Variants in CNOT2 observed in about 807,000 individuals in gnomAD.
CNOT2 encodes CC chemokine receptor 4-negative regulator of transcription 2.
A neutral mutation model predicts 72.1 loss-of-function variants in CNOT2; 7 were observed. That is an observed-to-expected ratio of 0.10 (90% CI 0.06 to 0.18). CNOT2 has a LOEUF of 0.18. Among genes scored for constraint, CNOT2 ranks in the 10% least tolerant of loss-of-function variants. CNOT2 has a pLI of 1.00. For missense variants in CNOT2, 345 were observed against 660.3 expected (o/e 0.52, Z 5.23); for synonymous variants, 196 against 225.6 (o/e 0.87, Z 1.17).
intron 1 of CNOT2, among the ~76,000 whole-genome samples, chr12:70,273,051 TATC>T (rs1489338552): frequency 6.6e-6 from 1 of 152,190 alleles, no homozygotes; most frequent in Non-Finnish European, 1.5e-5. Flanking sequence ...CTCCATCTTG[TATC>T]ATCAGCATTT....
chr12:70,351,264 G>A (rs1033470937), intron 15 of CNOT2, among the ~76,000 whole-genome samples: 13 of 152,186 alleles, frequency 8.5e-5, no homozygotes, highest in Admixed American at 2.6e-4. Context: ...TTAGGGGCTT[G>A]GCACTATTCC....
At chr12:70,340,647 C>G (rs1342764980) in intron 11 of CNOT2, among the ~76,000 whole-genome samples, 13 of 151,962 alleles carry the variant, frequency 8.6e-5, no homozygotes, top group Non-Finnish European at 1.5e-5. Context: ...CAGGCTTTTC[C>G]CAAAATATAT....
chr12:70,310,324 A>T (rs1174443060), intron 2 of CNOT2, among the ~76,000 whole-genome samples: 1 of 152,108 alleles, frequency 6.6e-6, no homozygotes, highest in Non-Finnish European at 1.5e-5. Context: ...TATATCATTG[A>T]AATAATAACT....
intron 1 of CNOT2, among the ~76,000 whole-genome samples, chr12:70,265,929 C>G (rs531620649): frequency 6.6e-6 from 1 of 151,456 alleles, no homozygotes; most frequent in South Asian, 2.1e-4. Context: ...GAGATACTTT[C>G]CAGTTTCTCA....
At position 70,304,730 on chromosome 12, in the gene CNOT2, G is replaced by A. The variant is rs578225552; in HGVS notation, c.49-6165G>A. Among the ~76,000 whole-genome samples the A allele has an allele frequency of 3.3e-5, 5 of 152,352 alleles. 1 individual carries two copies. The South Asian group carries it at 1.0e-3, about 32-fold the overall frequency. ...AGACAGGGACATTTAAGTCTGCAGA[G>A]GTTACTGCTGCCTTTTGTTTGTCTG... On this transcript the variant is annotated intron_variant, in intron 2 of 15. Transcript: ENST00000229195.
At chr12:70,266,096 G>A (rs1959025573) in intron 1 of CNOT2, among the ~76,000 whole-genome samples, 1 of 150,326 alleles carries the variant, frequency 6.7e-6, no homozygotes, top group Admixed American at 6.6e-5. Flanking sequence ...TGTCGTTGAT[G>A]TTGTATTATT....
At chr12:70,350,801 A>C (rs1882769284) in intron 15 of CNOT2, among the ~76,000 whole-genome samples, 1 of 152,204 alleles carries the variant, frequency 6.6e-6, no homozygotes, top group Non-Finnish European at 1.5e-5. Flanking sequence ...TTCTGTTCCC[A>C]GAATAAGCAA....
chr12:70,346,281 C>T lies in CNOT2; in HGVS notation c.1493C>T (p.Thr498Ile). 6.2e-7 allele frequency: 1 copy of T among 1,612,038 alleles called. No homozygotes were observed. Among genetic ancestry groups the T allele is most frequent in the Non-Finnish European group, 8.5e-7 (1 of 1,178,208 alleles). ...TMKTNTYERG[T>I]YYFFDCLNWR... ...AAAACCAATACCTATGAGAGGGGAA[C>T]ATATTACTTCTTTGACTGTCTTAAC... The change falls in exon 15 of 16, where the codon ACA becomes ATA. Residue 498 changes from threonine (T) to isoleucine (I), a missense_variant. Coordinates refer to ENST00000229195, the MANE Select transcript of CNOT2 (RefSeq NM_014515.7).
intron 2 of CNOT2, among the ~76,000 whole-genome samples, chr12:70,284,687 T>C (rs1870563775): frequency 6.6e-6 from 1 of 151,868 alleles, no homozygotes; most frequent in Non-Finnish European, 1.5e-5. Flanking sequence ...ATTGGTTGGC[T>C]CATTGCCGTG....
At chr12:70,289,935 T>C (rs1172822203) in intron 2 of CNOT2, among the ~76,000 whole-genome samples, 1 of 152,186 alleles carries the variant, frequency 6.6e-6, no homozygotes, top group African/African-American at 2.4e-5. Context: ...TTGAGTGCTA[T>C]ATAATGTTTG....
At chr12:70,323,418 A>C (rs1263874055) in intron 4 of CNOT2, 2 of 151,848 alleles carry the variant, frequency 1.3e-5, no homozygotes, top group Non-Finnish European at 2.9e-5. Flanking sequence ...ATGTAGTAGA[A>C]TAAGAAGTTC....
At chr12:70,343,545 C>T (rs1881775492) in intron 13 of CNOT2, among the ~76,000 whole-genome samples, 1 of 152,212 alleles carries the variant, frequency 6.6e-6, no homozygotes, top group Non-Finnish European at 1.5e-5. Context: ...TTGCTGAAAG[C>T]ATACAACTGA....
intron 4 of CNOT2, among the ~76,000 whole-genome samples, chr12:70,328,923 T>C (rs1479704991): frequency 6.6e-6 from 1 of 151,942 alleles, no homozygotes; most frequent in Non-Finnish European, 1.5e-5. Context: ...GAGAAATATG[T>C]ATAAATAGTA....
intron 2 of CNOT2, among the ~76,000 whole-genome samples, chr12:70,295,547 A>G (rs1026695102): frequency 6.6e-6 from 1 of 152,046 alleles, no homozygotes; most frequent in Non-Finnish European, 1.5e-5. Flanking sequence ...TTCTGTATGC[A>G]TAGAGGATTT....
Position 70,305,388 on chromosome 12 carries a change from C to G in CNOT2, c.49-5507C>G, listed in dbSNP as rs77477371. On this transcript the variant is annotated intron_variant, in intron 2 of 15. Transcript: ENST00000229195. ...GCCTTCATGATTCAGTCACCTCCCACGGGGTTCCTTCTGCGACACGTGGGG... is the reference window on the plus strand; with the variant it reads ...GCCTTCATGATTCAGTCACCTCCCAGGGGGTTCCTTCTGCGACACGTGGGG... Among the ~76,000 whole-genome samples, 55 of 152,220 alleles carry G rather than the reference C, an allele frequency of 3.6e-4. No individual in the cohort carries two copies. The East Asian group carries it at 0.01, about 28-fold the overall frequency.
intron 1 of CNOT2, among the ~76,000 whole-genome samples, chr12:70,264,225 C>G (rs905877163): frequency 6.6e-6 from 1 of 152,190 alleles, no homozygotes; most frequent in African/African-American, 2.4e-5. Flanking sequence ...AGCTATCTCT[C>G]TTCCCAGTTC....
chr12:70,294,066 C>T lies in CNOT2; in HGVS notation c.48+15792C>T, dbSNP rs750699115. ...TTTATAGCATGATTTCCTTATTTTT[C>T]AAAGAGCGGAAGAATCCCATCGTTT... On this transcript the variant is annotated intron_variant, in intron 2 of 15. Transcript: ENST00000229195. 4.0e-6 allele frequency: 5 copies of T among 1,246,226 alleles called. No homozygotes were observed. The South Asian group carries it at 5.0e-5, about 12-fold the overall frequency. 77.2% of individuals were successfully genotyped at this position (1,246,226 alleles called of 1,614,324 possible). A position where few individuals can be genotyped will look rare whatever the true frequency, so the allele number is the denominator to read the frequency against.
chr12:70,309,025 G>T (rs1219387164), intron 2 of CNOT2, among the ~76,000 whole-genome samples: 3 of 152,094 alleles, frequency 2.0e-5, no homozygotes, highest in Non-Finnish European at 4.4e-5. Context: ...AAAATCTTAT[G>T]TGTAGTGAAT....
intron 1 of CNOT2, among the ~76,000 whole-genome samples, chr12:70,251,262 CTT>C (rs1593025958): frequency 6.6e-6 from 1 of 151,994 alleles, no homozygotes; most frequent in African/African-American, 2.4e-5. Flanking sequence ...AGTAGAGTAA[CTT>C]TGTTTCAGGG....
Sources: gnomAD v4.1 joint callset for allele counts (sites outside exome capture counted in the v4.1 genomes callset) on GRCh38, gnomAD v4.1.1 for gene constraint, MANE v1.5 for transcripts, NCBI Gene and HGNC (gene_info 2026-07-23, HGNC 2026-07-21) for gene names.